The following FANCA variants were observed in gnomAD, a reference collection of about 807,000 sequenced individuals.
FANCA encodes Fanconi anemia group A protein.
A neutral mutation model predicts 194.3 loss-of-function variants in FANCA; 236 were observed. The observed-to-expected ratio is 1.21, with a 90% CI of 1.09 to 1.35. The LOEUF (loss-of-function observed/expected upper bound fraction) is 1.35. Ranked by LOEUF, FANCA falls within the 40% of genes most tolerant of loss-of-function variation. The pLI is 0.00. For synonymous variants in FANCA, 1,014 were observed against 715.8 expected (o/e 1.42, Z -6.65); for missense variants, 2,628 against 1,813.9 (o/e 1.45, Z -8.15).
At chr16:89,781,956 G>A (rs1285637505) in intron 17 of FANCA, among the ~76,000 whole-genome samples, 2 of 150,480 alleles carry the variant, frequency 1.3e-5, no homozygotes, top group Non-Finnish European at 3.0e-5. Context: ...GCAGTGAGCC[G>A]AGACTGCGCC....
intron 15 of FANCA, 115 bp from the exon 16 acceptor site, chr16:89,783,217 A>G (rs1486755316): frequency 1.0e-5 from 8 of 797,514 alleles, no homozygotes; most frequent in Non-Finnish European, 1.7e-5. Flanking sequence ...ACAGCCCTTT[A>G]CAGTCAGACT....
chr16:89,771,543 T>C lies in FANCA; in HGVS notation c.2151+135A>G, dbSNP rs11076622. The C allele has an allele frequency of 0.075, 73,803 of 982,008 alleles. 3,610 individuals carry two copies. The highest frequency in any genetic ancestry group is 0.17 in the East Asian group (6,934 of 41,574). 60.8% of individuals were successfully genotyped at this position (982,008 alleles called of 1,614,324 possible). On this transcript the variant is annotated intron_variant, in intron 23 of 42. Transcript: ENST00000389301. ...CAGCTGACCCTGGTACACCGCTGCC[T>C]GGCCCTGGAACATCTGATACGACAC... is the stretch of plus-strand genomic sequence containing the variant.
At chr16:89,761,027 A>C (rs12599473) in intron 29 of FANCA, among the ~76,000 whole-genome samples, 9,106 of 152,180 alleles carry the variant, frequency 0.06, 421 homozygotes, top group East Asian at 0.22. Flanking sequence ...AGGCTTGTTT[A>C]TTCCCCTCTA....
At chr16:89,782,194 T>C (rs1199785289) in intron 17 of FANCA, among the ~76,000 whole-genome samples, 3 of 147,898 alleles carry the variant, frequency 2.0e-5, no homozygotes, top group African/African-American at 5.0e-5. Flanking sequence ...GCTAACACGG[T>C]GAAACCTCGT....
intron 38 of FANCA, 50 bp from the exon 39 acceptor site, chr16:89,740,149 A>G (rs2062092570): frequency 2.1e-6 from 3 of 1,455,130 alleles, no homozygotes; most frequent in Admixed American, 3.3e-5. Context: ...TGGTGCTCCC[A>G]TGGGTAGGAG....
At position 89,767,192 on chromosome 16, in the gene FANCA, G is replaced by A. The variant is rs755395838; in HGVS notation, c.2550C>T (p.Ser850=). ...AGCTGCACAAAGTATCTCGTGACTG[G>A]GAAGAAAACTTGCAGAGAGAGTAAG... ...AISYSLCKFS[S]QSRDTLCSCL... is the part of the protein sequence containing the mutation. The change falls in exon 27 of 43, where the codon TCC becomes TCT. Residue 850 remains serine (S), a synonymous_variant. Transcript: ENST00000389301. 2.5e-6 allele frequency: 4 copies of A among 1,613,898 alleles called. No homozygotes were observed. The highest frequency in any genetic ancestry group is 3.4e-6 in the Non-Finnish European group (4 of 1,179,858).
chr16:89,774,593 G>A (rs1598118583), intron 21 of FANCA, among the ~76,000 whole-genome samples: 1 of 151,798 alleles, frequency 6.6e-6, no homozygotes, highest in African/African-American at 2.4e-5. Flanking sequence ...AGCCGGGTGT[G>A]GTGGCGGGCG....
In FANCA at chr16:89,811,947, G is replaced by A. The variant is rs996504540; in HGVS notation, c.284-876C>T. 3.3e-5 allele frequency among the ~76,000 whole-genome samples: 5 copies of A among 150,868 alleles called. 1 individual carries two copies. Among genetic ancestry groups the A allele is most frequent in the South Asian group, 4.2e-4 (2 of 4,806 alleles). On this transcript the variant is annotated intron_variant, in intron 3 of 42. Coordinates refer to ENST00000389301, the MANE Select transcript of FANCA (RefSeq NM_000135.4). ...GGGTTTCACTATGTTGGCTAGGCTCGTCTCCAATTCCCAACCTCATTAATC... is the reference window on the plus strand; with the variant it reads ...GGGTTTCACTATGTTGGCTAGGCTCATCTCCAATTCCCAACCTCATTAATC...
At chr16:89,754,258 A>C (rs2377042) in intron 30 of FANCA, among the ~76,000 whole-genome samples, 61,629 of 149,404 alleles carry the variant, frequency 0.41, 14,022 homozygotes, top group East Asian at 0.75. Flanking sequence ...CAACAAAAAA[A>C]ACAACACTGC....
chr16:89,810,262 G>A (rs2040824950), intron 5 of FANCA, among the ~76,000 whole-genome samples: 1 of 150,658 alleles, frequency 6.6e-6, no homozygotes, highest in Non-Finnish European at 1.5e-5. Flanking sequence ...GGTGGGGCTT[G>A]CAGTGAGCCA....
intron 30 of FANCA, among the ~76,000 whole-genome samples, chr16:89,754,879 G>C (rs954314160): frequency 2.0e-5 from 3 of 152,108 alleles, no homozygotes; most frequent in African/African-American, 7.2e-5. Flanking sequence ...TACTTTTGTC[G>C]AAACTGACAA....
chr16:89,784,187 A>T lies in FANCA; in HGVS notation c.1470+667T>A, dbSNP rs1451150820. On this transcript the variant is annotated intron_variant, in intron 15 of 42. Transcript: ENST00000389301. ...AGGCCAGCCTGGGCAACACAGCAAGACCCCATCTGTACTAAAAAAAAGAAA... is the reference window on the plus strand; with the variant it reads ...AGGCCAGCCTGGGCAACACAGCAAGTCCCCATCTGTACTAAAAAAAAGAAA... Among the ~76,000 whole-genome samples the T allele has an allele frequency of 7.2e-5, 11 of 151,906 alleles. No homozygotes were observed. The East Asian group carries it at 2.1e-3, about 30-fold the overall frequency.
Position 89,738,891 on chromosome 16 carries a change from G to A in FANCA, c.4251C>T (p.His1417=), listed in dbSNP as rs752333498. The change falls in exon 42 of 43, where the codon CAC becomes CAT. Residue 1417 remains histidine, a synonymous_variant. Coordinates refer to ENST00000389301, the MANE Select transcript of FANCA (RefSeq NM_000135.4). ...IPRCPKKSFS[H]VAELLADRGD... ...GGCATCTTGACGTTACCTCTGCCAC[G>A]TGTGAGAAGCTCTTTTTCGGGCACC... 1.4e-5 allele frequency: 22 copies of A among 1,614,252 alleles called. No individual in the cohort carries two copies. The highest frequency in any genetic ancestry group is 1.6e-4 in the Middle Eastern group (1 of 6,062).
chr16:89,773,156 G>T, intron 22 of FANCA, 115 bp downstream of exon 22: 2 of 825,080 alleles, frequency 2.4e-6, no homozygotes, highest in East Asian at 2.7e-5. Flanking sequence ...TAAACTACTG[G>T]ACTACTAGGA....
At chr16:89,781,580 G>T (rs954961634) in intron 17 of FANCA, among the ~76,000 whole-genome samples, 2 of 151,168 alleles carry the variant, frequency 1.3e-5, no homozygotes, top group Non-Finnish European at 2.9e-5. Flanking sequence ...AGAGGCTGAG[G>T]CAGGAGAATG....
At chr16:89,742,114 T>C (rs1026388313) in intron 37 of FANCA, among the ~76,000 whole-genome samples, 2 of 151,960 alleles carry the variant, frequency 1.3e-5, no homozygotes, top group African/African-American at 4.8e-5. Context: ...GGCTATGGGA[T>C]TGTAGGTGCG....
chr16:89,788,743 T>C (rs1052263765), intron 14 of FANCA, among the ~76,000 whole-genome samples: 2 of 151,906 alleles, frequency 1.3e-5, no homozygotes, highest in East Asian at 3.9e-4. Flanking sequence ...AAGGCTGCAG[T>C]GAGCTATGAT....
intron 12 of FANCA, 73 bp downstream of exon 12, chr16:89,792,398 A>C (rs1311497923): frequency 5.4e-6 from 8 of 1,481,328 alleles, no homozygotes; most frequent in Non-Finnish European, 7.5e-6. Flanking sequence ...GGCAGGCAGC[A>C]TGACAAGTAC....
At chr16:89,768,404 A>T (rs1265427943) in intron 26 of FANCA, among the ~76,000 whole-genome samples, 1 of 152,196 alleles carries the variant, frequency 6.6e-6, no homozygotes, top group African/African-American at 2.4e-5. Flanking sequence ...GTGGAGGCTC[A>T]CACCTGTAAT....
Sources: gnomAD v4.1 joint callset for allele counts (sites outside exome capture counted in the v4.1 genomes callset) on GRCh38, gnomAD v4.1.1 for gene constraint, MANE v1.5 for transcripts, NCBI Gene and HGNC (gene_info 2026-07-23, HGNC 2026-07-21) for gene names.